Variants in GRID2 observed in about 807,000 individuals in gnomAD.
GRID2 encodes the protein glutamate ionotropic receptor delta type subunit 2, also known as glutamate receptor ionotropic, delta-2.
Under a neutral mutation model 114.8 loss-of-function variants are expected in GRID2, and 33 were observed. That is an observed-to-expected ratio of 0.29 (90% confidence interval 0.22 to 0.38). The LOEUF (loss-of-function observed/expected upper bound fraction) is 0.38. GRID2 is among the 10% of genes least tolerant of loss of function. GRID2 has a pLI of 1.00. For synonymous variants in GRID2, 505 were observed against 449.9 expected (o/e 1.12, Z -1.55); for missense variants, 1,184 against 1,257.7 (o/e 0.94, Z 0.89).
chr4:93,087,001 T>G (rs1730382471), intron 3 of GRID2, among the ~76,000 whole-genome samples: 1 of 149,086 alleles, frequency 6.7e-6, no homozygotes, highest in Admixed American at 6.8e-5. Context: ...CAATTTTCAG[T>G]TAGTACTATG....
chr4:93,095,337 C>T (rs565584848), intron 3 of GRID2, among the ~76,000 whole-genome samples: 6 of 151,950 alleles, frequency 3.9e-5, no homozygotes, highest in Admixed American at 3.3e-4. Context: ...CATGTATTCT[C>T]ATTGTTCAAC....
At chr4:92,341,596 C>T (rs917186628) in intron 1 of GRID2, among the ~76,000 whole-genome samples, 4 of 152,014 alleles carry the variant, frequency 2.6e-5, no homozygotes, top group African/African-American at 9.7e-5. Flanking sequence ...CTATTGGACA[C>T]CTATGGATAA....
chr4:93,443,920 C>G (rs1721858282), intron 10 of GRID2, among the ~76,000 whole-genome samples: 1 of 151,482 alleles, frequency 6.6e-6, no homozygotes, highest in Non-Finnish European at 1.5e-5. Context: ...AGAGAGACAT[C>G]TTTCTTGGAG....
At chr4:92,805,688 T>A (rs1397281313) in intron 2 of GRID2, among the ~76,000 whole-genome samples, 1 of 151,988 alleles carries the variant, frequency 6.6e-6, no homozygotes, top group Non-Finnish European at 1.5e-5. Context: ...ATCCCAGCAC[T>A]TTGGGAGGCC....
chr4:93,431,149 G>C (rs1017263120), intron 10 of GRID2, among the ~76,000 whole-genome samples: 1 of 152,166 alleles, frequency 6.6e-6, no homozygotes, highest in Non-Finnish European at 1.5e-5. Context: ...TAAAAGGGTG[G>C]TTGTGTAACT....
chr4:93,272,246 AT>A (rs1751541372), intron 8 of GRID2, among the ~76,000 whole-genome samples: 1 of 152,238 alleles, frequency 6.6e-6, no homozygotes, highest in Non-Finnish European at 1.5e-5. Flanking sequence ...TTTCATTCTA[AT>A]ACAGAAAGGC....
chr4:93,623,956 A>T (rs1190268373), intron 13 of GRID2, among the ~76,000 whole-genome samples: 1 of 152,122 alleles, frequency 6.6e-6, no homozygotes, highest in Non-Finnish European at 1.5e-5. Context: ...GGAAAATTTA[A>T]ATGTCTTTTG....
In GRID2 at chr4:93,216,672, C is replaced by T. The variant is rs889161599; in HGVS notation, c.790-66C>T. ...TCCCTAACATTTACAGATAACAACT[C>T]ATAATAGGTTTGTGTTTTGTGACTG... On this transcript the variant is annotated intron_variant, in intron 5 of 15. Coordinates refer to ENST00000282020, the MANE Select transcript of GRID2 (RefSeq NM_001510.4). The T allele has an allele frequency of 5.0e-5, 51 of 1,027,658 alleles. 1 individual carries two copies. In the South Asian group the frequency reaches 7.4e-4, roughly 15 times the overall value. 63.7% of individuals were successfully genotyped at this position (1,027,658 alleles called of 1,614,324 possible).
intron 5 of GRID2, among the ~76,000 whole-genome samples, chr4:93,211,935 C>G (rs1743532136): frequency 6.7e-6 from 1 of 149,518 alleles, no homozygotes; most frequent in South Asian, 2.1e-4. Flanking sequence ...TCTCATTCAT[C>G]CACTTTATTC....
At chr4:92,982,450 C>A (rs1429701102) in intron 2 of GRID2, among the ~76,000 whole-genome samples, 1 of 151,950 alleles carries the variant, frequency 6.6e-6, no homozygotes, top group African/African-American at 2.4e-5. Flanking sequence ...TACTCAAATT[C>A]AATTGAATAA....
intron 14 of GRID2, among the ~76,000 whole-genome samples, chr4:93,683,480 T>A (rs1442727333): frequency 1.3e-5 from 2 of 152,068 alleles, no homozygotes; most frequent in Admixed American, 6.6e-5. Context: ...TGTAAATGCA[T>A]GTGATTTTGG....
intron 1 of GRID2, among the ~76,000 whole-genome samples, chr4:92,325,640 AC>A (rs1248853235): frequency 6.6e-6 from 1 of 151,802 alleles, no homozygotes; most frequent in Non-Finnish European, 1.5e-5. Flanking sequence ...GACAGAAAAC[AC>A]CTAGTACAAA....
At chr4:92,950,889 T>C (rs899157872) in intron 2 of GRID2, among the ~76,000 whole-genome samples, 1 of 152,184 alleles carries the variant, frequency 6.6e-6, no homozygotes, top group African/African-American at 2.4e-5. Flanking sequence ...CCACATATTC[T>C]GTAGCTTTGA....
chr4:93,612,569 G>A (rs1198407611), intron 13 of GRID2, among the ~76,000 whole-genome samples: 1 of 90,904 alleles, frequency 1.1e-5, no homozygotes, highest in Non-Finnish European at 2.3e-5. Flanking sequence ...CTTCACTTAT[G>A]AAGCTTAGTT....
chr4:92,871,238 TG>T (rs1745252593), intron 2 of GRID2, among the ~76,000 whole-genome samples: 1 of 152,174 alleles, frequency 6.6e-6, no homozygotes, highest in African/African-American at 2.4e-5. Context: ...TTGTTAACTA[TG>T]TTTTATTTAC....
At chr4:92,602,007 G>T (rs2149220130) in intron 2 of GRID2, among the ~76,000 whole-genome samples, 1 of 152,106 alleles carries the variant, frequency 6.6e-6, no homozygotes, top group East Asian at 1.9e-4. Context: ...TTCTGAAATT[G>T]AGGCAGTCAT....
At position 92,486,849 on chromosome 4, in the gene GRID2, T is replaced by G. The variant is rs536719631; in HGVS notation, c.89-103282T>G. On this transcript the variant is annotated intron_variant, in intron 1 of 15. Transcript: ENST00000282020. ...AGATGCTTAACATCTCTAAAAAATT[T>G]TTAATATTAGGTTTTGGTGCAATGA... 3.9e-4 allele frequency among the ~76,000 whole-genome samples: 59 copies of G among 152,028 alleles called. 1 individual carries two copies. In the South Asian group the frequency reaches 0.011, roughly 29 times the overall value.
chr4:93,104,419 T>C (rs1731999767), intron 3 of GRID2, among the ~76,000 whole-genome samples: 1 of 152,178 alleles, frequency 6.6e-6, no homozygotes, highest in East Asian at 1.9e-4. Flanking sequence ...AACTCGTCAT[T>C]TAGCATTAGG....
At chr4:93,311,931 G>A (rs1004138005) in intron 8 of GRID2, among the ~76,000 whole-genome samples, 3 of 152,050 alleles carry the variant, frequency 2.0e-5, no homozygotes, top group African/African-American at 4.8e-5. Flanking sequence ...AAAAATGAAG[G>A]TAGTTCAATA....
Sources: allele counts gnomAD v4.1 joint callset (sites outside exome capture counted in the v4.1 genomes callset), GRCh38; gene constraint gnomAD v4.1.1; transcripts MANE v1.5; gene names NCBI Gene and HGNC (gene_info 2026-07-23, HGNC 2026-07-21).